TRERF1: variants seen among roughly 807,000 people sequenced by gnomAD.
TRERF1 encodes transcriptional-regulating factor 1.
In TRERF1, 27 loss-of-function variants were observed where a neutral mutation model predicts 122.9. The ratio of observed to expected loss-of-function variants is 0.22; its 90% CI spans 0.16 to 0.30. The LOEUF is 0.30. TRERF1 is among the 10% of genes least tolerant of loss of function. The pLI, the probability that TRERF1 is intolerant of heterozygous loss-of-function variation, is 1.00. For missense variants in TRERF1, 1,248 were observed against 1,560.3 expected, an observed-to-expected ratio of 0.80 and a Z score of 3.37; for synonymous variants, 636 against 641.7, an observed-to-expected ratio of 0.99 and a Z score of 0.13.
chr6:42,337,994 C>T (rs1334229519), intron 3 of TRERF1, among the ~76,000 whole-genome samples: 5 of 152,166 alleles, frequency 3.3e-5, no homozygotes, highest in African/African-American at 4.8e-5. Context: ...CAGGCCCTAC[C>T]CTGGACCTCC....
At chr6:42,243,859 C>G (rs1221576207) in intron 14 of TRERF1, among the ~76,000 whole-genome samples, 1 of 145,978 alleles carries the variant, frequency 6.9e-6, no homozygotes, top group Non-Finnish European at 1.5e-5. Context: ...GGATTACGGG[C>G]GTGAGTCACT....
intron 3 of TRERF1, among the ~76,000 whole-genome samples, chr6:42,349,979 A>G (rs1191652807): frequency 6.6e-6 from 1 of 152,226 alleles, no homozygotes; most frequent in East Asian, 1.9e-4. Context: ...TTTGTGTTTT[A>G]GAGGAAAATC....
chr6:42,297,263 A>AATATGCTGGAT (rs1320063649), intron 4 of TRERF1, among the ~76,000 whole-genome samples: 1 of 152,224 alleles, frequency 6.6e-6, no homozygotes, highest in African/African-American at 2.4e-5. Flanking sequence ...GGAAAGAACT[A>AATATGCTGGAT]ATATGCTGGA....
chr6:42,449,643 A>G, intron 2 of TRERF1, among the ~76,000 whole-genome samples: 1 of 152,224 alleles, frequency 6.6e-6, no homozygotes, highest in East Asian at 1.9e-4. Flanking sequence ...CCCAGCAAAT[A>G]CAACAACCAG....
At position 42,226,038 on chromosome 6, in the gene TRERF1, T is replaced by A. The variant is rs1007178909; in HGVS notation, c.*2307A>T. ...GGCAGAATTATTTCAGAAAAAAAAA[T>A]AAGTGCAACATTGTACTAGGAAGTC... On this transcript the variant is annotated 3_prime_UTR_variant, in exon 18 of 18. Coordinates refer to ENST00000372922, the Ensembl canonical transcript of TRERF1. The A allele has an allele frequency of 3.3e-5, 5 of 151,816 alleles. No individual in the cohort carries two copies. In the South Asian group the frequency reaches 8.3e-4, roughly 25 times the overall value. The allele number at this position is 151,816 out of a possible 1,614,324, so 9.4% of individuals were successfully genotyped here.
At chr6:42,256,618 CATGCGCCGATTGGTCATT>C in intron 12 of TRERF1, 92 bp downstream of exon 12, 1 of 874,064 alleles carries the variant, frequency 1.1e-6, no homozygotes, top group Non-Finnish European at 1.9e-6. Flanking sequence ...GATTGGTCAT[CATGCGCCGATTGGTCATT>C]ACAAATTGGT....
At chr6:42,381,032 G>C (rs1007300206) in intron 2 of TRERF1, among the ~76,000 whole-genome samples, 2 of 152,162 alleles carry the variant, frequency 1.3e-5, no homozygotes, top group African/African-American at 2.4e-5. Flanking sequence ...CATCAGGCTG[G>C]ATAAGCAGGG....
At chr6:42,364,663 T>C (rs1772391340) in intron 2 of TRERF1, among the ~76,000 whole-genome samples, 1 of 152,104 alleles carries the variant, frequency 6.6e-6, no homozygotes, top group Non-Finnish European at 1.5e-5. Flanking sequence ...TGGGTGACCT[T>C]AGAGAGGGCA....
At chr6:42,256,941 A>C (rs1218177872) in intron 11 of TRERF1, 22 bp downstream of exon 11, 1 of 1,613,956 alleles carries the variant, frequency 6.2e-7, no homozygotes. Context: ...TCTCCCACCC[A>C]GCTCTTCCCA....
chr6:42,264,688 A>G lies in TRERF1; in HGVS notation c.1635+16T>C, dbSNP rs777081652. 1 of 1,612,782 alleles carries G rather than the reference A, an allele frequency of 6.2e-7. No homozygotes were observed. Among genetic ancestry groups the G allele is most frequent in the Non-Finnish European group, 8.5e-7 (1 of 1,179,460 alleles). ...GCACACGACCTAGAAAGGACCGGGAACTGGCTCCTGCTAACCTGTTTGAGG... is the reference window on the plus strand; with the variant it reads ...GCACACGACCTAGAAAGGACCGGGAGCTGGCTCCTGCTAACCTGTTTGAGG... On this transcript the variant is annotated intron_variant, in intron 7 of 17. Transcript: ENST00000372922.
At chr6:42,294,569 A>G (rs1307351639) in intron 4 of TRERF1, among the ~76,000 whole-genome samples, 1 of 152,220 alleles carries the variant, frequency 6.6e-6, no homozygotes, top group Non-Finnish European at 1.5e-5. Flanking sequence ...ACCAATGGTG[A>G]GAAGGAGCCA....
chr6:42,288,441 G>A (rs985771094), intron 4 of TRERF1, among the ~76,000 whole-genome samples: 2 of 151,978 alleles, frequency 1.3e-5, no homozygotes, highest in Non-Finnish European at 2.9e-5. Context: ...GCTGGCACTT[G>A]CCTGTAATCT....
At chr6:42,330,448 T>C (rs1765061445) in intron 3 of TRERF1, among the ~76,000 whole-genome samples, 1 of 152,168 alleles carries the variant, frequency 6.6e-6, no homozygotes, top group East Asian at 1.9e-4. Context: ...AAAACATAGG[T>C]TCAAAGATAT....
intron 3 of TRERF1, among the ~76,000 whole-genome samples, chr6:42,322,461 AC>A (rs1211643203): frequency 6.6e-6 from 1 of 152,094 alleles, no homozygotes; most frequent in Non-Finnish European, 1.5e-5. Context: ...CCGAATGCAA[AC>A]CCCCTGCCCC....
At chr6:42,444,964 C>G (rs1787205006) in intron 2 of TRERF1, among the ~76,000 whole-genome samples, 1 of 152,100 alleles carries the variant, frequency 6.6e-6, no homozygotes. Context: ...AAGTCACAGA[C>G]AGATTCCATT....
intron 2 of TRERF1, among the ~76,000 whole-genome samples, chr6:42,380,080 A>C (rs1023505822): frequency 6.6e-6 from 1 of 152,140 alleles, no homozygotes; most frequent in Non-Finnish European, 1.5e-5. Flanking sequence ...GGAAGAGTGG[A>C]GTCAGCCATG....
chr6:42,391,959 C>T (rs1210422760), intron 2 of TRERF1, among the ~76,000 whole-genome samples: 1 of 152,194 alleles, frequency 6.6e-6, no homozygotes, highest in East Asian at 1.9e-4. Flanking sequence ...GGCTGTGTCT[C>T]AGGAACTGGG....
chr6:42,378,388 G>GAA (rs200117763), intron 2 of TRERF1, among the ~76,000 whole-genome samples: 2,484 of 132,542 alleles, frequency 0.019, 58 homozygotes, highest in African/African-American at 0.06. Flanking sequence ...GAAGAAAAAA[G>GAA]AAAAAAAAAA....
At chr6:42,278,945 T>A (rs1781777015) in intron 4 of TRERF1, among the ~76,000 whole-genome samples, 1 of 152,120 alleles carries the variant, frequency 6.6e-6, no homozygotes, top group Non-Finnish European at 1.5e-5. Context: ...TGTCCTGTCA[T>A]CCTTTACAGT....
Sources: allele counts gnomAD v4.1 joint callset (sites outside exome capture counted in the v4.1 genomes callset), GRCh38; gene constraint gnomAD v4.1.1; transcripts MANE v1.5; gene names NCBI Gene and HGNC (gene_info 2026-07-23, HGNC 2026-07-21).